The following FAM135A variants were observed in gnomAD, a reference collection of about 807,000 sequenced individuals.
The protein encoded by FAM135A is protein FAM135A.
FAM135A carries 79 observed loss-of-function variants against 146.8 expected under a neutral mutation model. The ratio of observed to expected loss-of-function variants is 0.54; its 90% CI spans 0.45 to 0.65. The LOEUF (loss-of-function observed/expected upper bound fraction) is 0.65. Ranked by LOEUF, FAM135A falls within the 30% of genes least tolerant of loss-of-function variation. The pLI is 0.00. For synonymous variants in FAM135A, 562 were observed against 603.6 expected, an observed-to-expected ratio of 0.93 and a Z score of 1.01; for missense variants, 1,623 against 1,758.2, an observed-to-expected ratio of 0.92 and a Z score of 1.38.
chr6:70,544,746 T>A (rs941183279), intron 20 of FAM135A, among the ~76,000 whole-genome samples: 42 of 148,844 alleles, frequency 2.8e-4, no homozygotes, highest in Admixed American at 1.1e-3. Context: ...CTCAAAAACT[T>A]AAAAAAAAAT....
intron 10 of FAM135A, among the ~76,000 whole-genome samples, chr6:70,486,934 A>G (rs894304325): frequency 3.9e-5 from 6 of 151,916 alleles, no homozygotes; most frequent in African/African-American, 1.5e-4. Context: ...CCTCAAAAAA[A>G]ACTAAACCTA....
At chr6:70,423,209 G>A (rs913335868) in intron 2 of FAM135A, among the ~76,000 whole-genome samples, 3 of 152,168 alleles carry the variant, frequency 2.0e-5, no homozygotes, top group African/African-American at 7.2e-5. Flanking sequence ...GAGGAGAATC[G>A]TAGGAGATGA....
At chr6:70,459,864 C>T (rs570813023) in intron 5 of FAM135A, among the ~76,000 whole-genome samples, 69 of 152,180 alleles carry the variant, frequency 4.5e-4, no homozygotes, top group African/African-American at 1.1e-3. Flanking sequence ...CCCGTCTCTA[C>T]GACAAATGCA....
chr6:70,474,630 G>C (rs946136077), intron 5 of FAM135A, among the ~76,000 whole-genome samples: 10 of 152,310 alleles, frequency 6.6e-5, no homozygotes, highest in Middle Eastern at 3.4e-3. Context: ...TGATCTGAGA[G>C]GGTCCCAGAT....
At chr6:70,532,145 G>A (rs985310596) in intron 16 of FAM135A, among the ~76,000 whole-genome samples, 25 of 151,786 alleles carry the variant, frequency 1.6e-4, no homozygotes, top group African/African-American at 5.3e-4. Context: ...TAAAGTGCTG[G>A]GATTACAGGC....
chr6:70,448,046 A>G (rs745342111), intron 4 of FAM135A, among the ~76,000 whole-genome samples: 1 of 152,116 alleles, frequency 6.6e-6, no homozygotes, highest in Non-Finnish European at 1.5e-5. Flanking sequence ...GTATTCTAAC[A>G]GGGAACTGCC....
chr6:70,464,658 CTTTTTTTTCTTTTTTT>C (rs1780049436), intron 5 of FAM135A, among the ~76,000 whole-genome samples: 1 of 100,454 alleles, frequency 1.0e-5, no homozygotes, highest in African/African-American at 3.8e-5. Flanking sequence ...TTCTTTCTTT[CTTTTTTTTCTTTTTTT>C]TTTTTTTTTG....
At position 70,480,916 on chromosome 6, in the gene FAM135A, G is replaced by A; in HGVS notation, c.558G>A (p.Val186=). 1 of 1,610,718 alleles carries A rather than the reference G, an allele frequency of 6.2e-7. No individual in the cohort carries two copies. The highest frequency in any genetic ancestry group is 1.7e-5 in the Admixed American group (1 of 59,402). Residue 186 remains valine (V), a synonymous_variant, in exon 9 of 22, where the codon GTG becomes GTA. Transcript: ENST00000418814. The part of the protein sequence containing the change: ...HQPLISFPRP[V]KTTWLNRNAP... The stretch of plus-strand genomic sequence containing the variant: ...CTTCCTCCAGCTTTCCTCGCCCTGT[G>A]AAGACAACTTGGTTAAATAGAAATG...
chr6:70,556,944 G>A (rs528647956), intron 21 of FAM135A, 81 bp downstream of exon 21: 28 of 949,014 alleles, frequency 3.0e-5, no homozygotes, highest in Admixed American at 5.7e-5. Flanking sequence ...ACTTTCTCTC[G>A]TATCTGTCAC....
At chr6:70,413,814 G>C in intron 1 of FAM135A, 112 bp downstream of exon 1, 2 of 985,400 alleles carry the variant, frequency 2.0e-6, no homozygotes, top group Non-Finnish European at 2.4e-6. Flanking sequence ...TTCGTCCGCC[G>C]TTCGCCCGCC....
intron 4 of FAM135A, among the ~76,000 whole-genome samples, chr6:70,451,677 C>A (rs1321290344): frequency 6.6e-6 from 1 of 152,162 alleles, no homozygotes; most frequent in East Asian, 1.9e-4. Flanking sequence ...TATTTTTAAT[C>A]TTTGCCTTAT....
At chr6:70,497,732 T>A (rs1173643789) in intron 11 of FAM135A, among the ~76,000 whole-genome samples, 2 of 152,244 alleles carry the variant, frequency 1.3e-5, no homozygotes, top group African/African-American at 4.8e-5. Context: ...GTCAAAGGCC[T>A]TTTCTGCATC....
chr6:70,533,172 A>G lies in FAM135A; in HGVS notation c.3788A>G (p.Asp1263Gly). The G allele has an allele frequency of 6.2e-7, 1 of 1,612,802 alleles. No homozygotes were observed. Reference protein sequence around the residue: ...CVHGLDGNSADLRLVKTYIEL... With the variant: ...CVHGLDGNSAGLRLVKTYIEL... ...TTTCATTTTTTAGGAAACAGTGCAG[A>G]TCTCCGATTAGTAAAAACTTACATT... Residue 1263 changes from aspartate (D) to glycine (G), a missense_variant, in exon 17 of 22, where the codon GAT (aspartate) becomes GGT (glycine). Physicochemically the swap from Asp to Gly is moderately conservative, Grantham distance 94. Around this residue, in one of 7 missense-constraint regions of FAM135A, gnomAD observed 1,061 missense variants for 1,113.8 expected, o/e 0.95. Coordinates refer to ENST00000418814, the MANE Select transcript of FAM135A (RefSeq NM_001162529.3).
chr6:70,452,415 G>A (rs1440812084), intron 4 of FAM135A, 77 bp from the exon 5 acceptor site: 10 of 1,023,072 alleles, frequency 9.8e-6, no homozygotes, highest in Admixed American at 4.7e-5. Context: ...TTTTAATATG[G>A]ATACAAATGT....
chr6:70,418,522 G>T (rs901003671), intron 2 of FAM135A: 27 of 152,176 alleles, frequency 1.8e-4, no homozygotes, highest in Non-Finnish European at 2.9e-5. Flanking sequence ...TAGAGACAGG[G>T]TTTCGCTATG....
At position 70,525,657 on chromosome 6, in the gene FAM135A, C is replaced by G; in HGVS notation, c.2573C>G (p.Ser858Cys). 6.2e-7 allele frequency: 1 copy of G among 1,612,434 alleles called. No individual in the cohort carries two copies. Among genetic ancestry groups the G allele is most frequent in the Non-Finnish European group, 8.5e-7 (1 of 1,179,380 alleles). Reference protein sequence around the residue: ...ELSPDENSKKSVVPECHLNDS... With the variant: ...ELSPDENSKKCVVPECHLNDS... ...TCACCTGATGAAAATTCTAAGAAAT[C>G]TGTTGTACCTGAATGCCATCTAAAT... The change falls in exon 15 of 22, where the codon TCT becomes TGT. Residue 858 changes from serine (S) to cysteine (C), a missense_variant. Physicochemically the swap from Ser to Cys is moderately radical, Grantham distance 112. This residue lies in a region of FAM135A where 1,061 missense variants were observed against 1,113.8 expected (regional missense o/e 0.95). Coordinates refer to ENST00000418814, the MANE Select transcript of FAM135A (RefSeq NM_001162529.3).
intron 4 of FAM135A, among the ~76,000 whole-genome samples, chr6:70,442,681 T>G (rs1774838266): frequency 6.6e-6 from 1 of 152,072 alleles, no homozygotes; most frequent in African/African-American, 2.4e-5. Context: ...TAGAGGTAAC[T>G]CCTCTAAGTG....
chr6:70,464,667 CTTT>C (rs533623758), intron 5 of FAM135A, among the ~76,000 whole-genome samples: 4 of 99,376 alleles, frequency 4.0e-5, no homozygotes, highest in Non-Finnish European at 8.5e-5. Context: ...TCTTTTTTTT[CTTT>C]TTTTTTTTTT....
intron 4 of FAM135A, among the ~76,000 whole-genome samples, chr6:70,437,813 C>T (rs1333408143): frequency 6.6e-6 from 1 of 152,038 alleles, no homozygotes; most frequent in African/African-American, 2.4e-5. Context: ...ATGTTAGGCT[C>T]TTTGAAAAAC....
Sources: allele counts gnomAD v4.1 joint callset (sites outside exome capture counted in the v4.1 genomes callset), GRCh38; gene constraint gnomAD v4.1.1; regional missense constraint gnomAD v4.1.1; transcripts MANE v1.5; gene names NCBI Gene and HGNC (gene_info 2026-07-23, HGNC 2026-07-21).